Variants in NEB observed in about 807,000 individuals in gnomAD.
NEB encodes the protein nebulin, also known as nemaline myopathy type 2.
A neutral mutation model predicts 952.2 loss-of-function variants in NEB; 512 were observed. That is an observed-to-expected ratio of 0.54 (90% CI 0.50 to 0.58). The LOEUF is 0.58. Among genes scored for constraint, NEB ranks in the 20% least tolerant of loss-of-function variants. NEB has a pLI of 0.00. For synonymous variants in NEB, 2,900 were observed against 3,149.8 expected, an observed-to-expected ratio of 0.92 and a Z score of 2.66; for missense variants, 8,428 against 9,231.1, an observed-to-expected ratio of 0.91 and a Z score of 3.56.
chr2:151,548,282 C>G lies in NEB; in HGVS notation c.20157+26G>C, dbSNP rs540035985. 127 of 1,543,624 alleles carry G rather than the reference C, an allele frequency of 8.2e-5. 1 individual carries two copies. In the East Asian group the frequency reaches 2.7e-3, roughly 33 times the overall value. On this transcript the variant is annotated intron_variant, in intron 131 of 181. Transcript: ENST00000397345. Reference sequence around the variant, plus strand: ...CCATGGCTATTGAAACTCAATATGTCTCTTGGAGAATCAGCATTCAGGTAC... The same window carrying G: ...CCATGGCTATTGAAACTCAATATGTGTCTTGGAGAATCAGCATTCAGGTAC...
At position 151,490,082 on chromosome 2, in the gene NEB, AAAAAAGGGGGCAAATTCTTTATAAGAAG is replaced by A; in HGVS notation, c.25298-33_25298-6del. ...TGGTTTTTGCATGTTTGTAAGCTGA[AAAAAAGGGGGCAAATTCTTTATAAGAAG>A]AAAAATGGCTAGGTATCCTTTAATC... On this transcript the variant is annotated splice_polypyrimidine_tract_variant and splice_region_variant and intron_variant, in intron 180 of 181. Transcript: ENST00000397345. 1 of 1,596,052 alleles carries A rather than the reference AAAAAAGGGGGCAAATTCTTTATAAGAAG, an allele frequency of 6.3e-7. No individual in the cohort carries two copies. The highest frequency in any genetic ancestry group is 8.6e-7 in the Non-Finnish European group (1 of 1,169,046).
rs758427936 is a variant in NEB at position 151,616,058 on chromosome 2, G to C, written c.11233C>G (p.Arg3745Gly). 3 of 1,612,966 alleles carry C rather than the reference G, an allele frequency of 1.9e-6. No homozygotes were observed. The East Asian group carries it at 6.7e-5, about 36-fold the overall frequency. ...EESKKEGYDL[R>G]LDAIPIQAAK... The stretch of plus-strand genomic sequence containing the variant: ...GCTTGGATTGGAATGGCATCCAGAC[G>C]CAAGTCATAGCCTTCCTTCTTGGAC... Residue 3745 changes from arginine to glycine, a missense_variant, in exon 76 of 182, where the codon CGT becomes GGT. By Grantham distance (125) the Arg-to-Gly change is moderately radical. This residue lies in a region of NEB where 1,772 missense variants were observed against 1,960.3 expected (regional missense o/e 0.90). Transcript: ENST00000397345.
At chr2:151,641,480 G>A (rs886641140) in intron 60 of NEB, among the ~76,000 whole-genome samples, 2 of 152,082 alleles carry the variant, frequency 1.3e-5, no homozygotes, top group Admixed American at 6.6e-5. Flanking sequence ...ACAGGCATGC[G>A]CCATCACACC....
chr2:151,546,305 G>C, intron 134 of NEB, 40 bp downstream of exon 134: 3 of 1,505,664 alleles, frequency 2.0e-6, no homozygotes, highest in Non-Finnish European at 2.8e-6. Flanking sequence ...GCATCCAGCT[G>C]TGCGGGGGGT....
At position 151,655,320 on chromosome 2, in the gene NEB, C is replaced by T. The variant is rs1375359758; in HGVS notation, c.6757G>A (p.Asp2253Asn). Reference sequence around the variant, plus strand: ...TTGGCTTGTAAAATATCTGGTGTATCAGGCATCACATGAATCTTGGTCTTA... The same window carrying T: ...TTGGCTTGTAAAATATCTGGTGTATTAGGCATCACATGAATCTTGGTCTTA... ...KDKTKIHVMPDTPDILQAKQN... is the reference protein window; with the variant it reads ...KDKTKIHVMPNTPDILQAKQN... The change falls in exon 51 of 182, where the codon GAT becomes AAT. Residue 2253 changes from aspartate to asparagine, a missense_variant. Asp to Asn is a conservative substitution (Grantham distance 23, BLOSUM62 1). This residue lies in a region of NEB where 2,851 missense variants were observed against 2,791.5 expected (regional missense o/e 1.02). Coordinates refer to ENST00000397345, the MANE Select transcript of NEB (RefSeq NM_001164508.2). 1.2e-6 allele frequency: 2 copies of T among 1,602,082 alleles called. No homozygotes were observed. Among genetic ancestry groups the T allele is most frequent in the African/African-American group, 1.3e-5 (1 of 74,686 alleles).
chr2:151,728,073 G>C (rs183961132), intron 4 of NEB, among the ~76,000 whole-genome samples, 167 bp from the exon 5 acceptor site: 1 of 152,180 alleles, frequency 6.6e-6, no homozygotes, highest in Non-Finnish European at 1.5e-5. Context: ...CCGTATGAAG[G>C]CACATTATGT....
In NEB at chr2:151,551,835, T is replaced by C; in HGVS notation, c.19847A>G (p.His6616Arg). 6.2e-7 allele frequency: 1 copy of C among 1,611,284 alleles called. No individual in the cohort carries two copies. Among genetic ancestry groups the C allele is most frequent in the Non-Finnish European group, 8.5e-7 (1 of 1,178,248 alleles). ...SGKQLSDAVYHYDYVHSVRGK... is the reference protein window; with the variant it reads ...SGKQLSDAVYRYDYVHSVRGK... The stretch of plus-strand genomic sequence containing the variant: ...TCTGACACTGTGCACATAGTCATAG[T>C]GGTAGACAGCCTGGTGCAGAAAGAA... Residue 6616 changes from histidine (H) to arginine (R), a missense_variant, in exon 129 of 182, where the codon CAC becomes CGC. Transcript: ENST00000397345.
chr2:151,569,354 A>T lies in NEB; in HGVS notation c.17449T>A (p.Leu5817Met). Residue 5817 changes from leucine to methionine, a missense_variant, in exon 110 of 182, where the codon TTG (leucine) becomes ATG (methionine). By Grantham distance (15) the Leu-to-Met change is conservative (BLOSUM62 2). Transcript: ENST00000397345. The stretch of plus-strand genomic sequence containing the variant: ...CACCCAATTCCACGCAACCATTCCA[A>T]GTCAGCCTTGTAAACATTCTGTGAA... ...LQSDNVYKADLEWLRGIGWMP... is the reference protein window; with the variant it reads ...LQSDNVYKADMEWLRGIGWMP... 6.2e-7 allele frequency: 1 copy of T among 1,613,906 alleles called. No homozygotes were observed. The highest frequency in any genetic ancestry group is 8.5e-7 in the Non-Finnish European group (1 of 1,179,798).
chr2:151,663,887 T>C (rs745413093), intron 44 of NEB, 28 bp from the exon 45 acceptor site: 19 of 1,590,478 alleles, frequency 1.2e-5, no homozygotes, highest in East Asian at 9.0e-5. Context: ...ATTATGGTGA[T>C]GAAAATGGTA....
At chr2:151,493,934 G>C in intron 174 of NEB, 67 bp from the exon 175 acceptor site, 1 of 1,160,830 alleles carries the variant, frequency 8.6e-7, no homozygotes, top group Admixed American at 2.7e-5. Context: ...TATATTGCAA[G>C]TTGGGGGGAA....
intron 41 of NEB, 36 bp downstream of exon 41, chr2:151,666,054 T>C: frequency 6.4e-7 from 1 of 1,571,390 alleles, no homozygotes; most frequent in Middle Eastern, 2.0e-4. Flanking sequence ...CTCCCACCCA[T>C]TAGAAATGGA....
rs547020660 is a variant in NEB, at chr2:151,529,251, G to A, written c.21694C>T (p.His7232Tyr). ...SNCTIEPDAV[H>Y]IKAAKDAYKV... is the part of the protein sequence containing the mutation. ...TAGGCGTCCTTGGCTGCTTTGATAT[G>A]AACAGCATCTGGCTCAATGGTGCAG... The change falls in exon 146 of 182, where the codon CAT (histidine) becomes TAT (tyrosine). Residue 7232 changes from histidine to tyrosine, a missense_variant. Transcript: ENST00000397345. The A allele has an allele frequency of 6.8e-6, 11 of 1,613,582 alleles. No individual in the cohort carries two copies. In the South Asian group the frequency reaches 1.1e-4, roughly 16 times the overall value.
At chr2:151,550,281 A>C (rs1040941252) in intron 129 of NEB, among the ~76,000 whole-genome samples, 4 of 151,822 alleles carry the variant, frequency 2.6e-5, no homozygotes, top group Non-Finnish European at 5.9e-5. Context: ...AAAAAAAAAA[A>C]AAAAAAAAAC....
intron 161 of NEB, among the ~76,000 whole-genome samples, chr2:151,511,492 C>T: frequency 6.6e-6 from 1 of 152,092 alleles, no homozygotes; most frequent in East Asian, 1.9e-4. Context: ...AATAGATTTC[C>T]AGAGCCTACC....
At chr2:151,644,348 T>C in intron 56 of NEB, 120 bp downstream of exon 56, 1 of 1,101,714 alleles carries the variant, frequency 9.1e-7, no homozygotes, top group East Asian at 2.5e-5. Flanking sequence ...CTGCATGGGA[T>C]CATTTTATTC....
At chr2:151,519,535 G>A (rs2080499412) in intron 154 of NEB, 123 bp downstream of exon 154, 1 of 731,762 alleles carries the variant, frequency 1.4e-6, no homozygotes, top group Non-Finnish European at 2.2e-6. Flanking sequence ...AAAACATTTT[G>A]GAAATAGTGA....
At position 151,570,082 on chromosome 2, in the gene NEB, T is replaced by C; in HGVS notation, c.17429A>G (p.Asp5810Gly). Residue 5810 changes from aspartate to glycine, a missense_variant and splice_region_variant, in exon 109 of 182, where the codon GAT becomes GGT. Around this residue, in one of 11 missense-constraint regions of NEB, gnomAD observed 3,374 missense variants for 3,651.5 expected, o/e 0.92. Coordinates refer to ENST00000397345, the MANE Select transcript of NEB (RefSeq NM_001164508.2). ...QAKKAYELQS[D>G]NVYKADLEWL... Reference sequence around the variant, plus strand: ...CAACCCCAAATGCAGCCCACTCACATCGCTCTGCAGTTCGTAGGCCTTCTT... The same window carrying C: ...CAACCCCAAATGCAGCCCACTCACACCGCTCTGCAGTTCGTAGGCCTTCTT... 6.2e-7 allele frequency: 1 copy of C among 1,603,898 alleles called. No homozygotes were observed. Among genetic ancestry groups the C allele is most frequent in the Non-Finnish European group, 8.5e-7 (1 of 1,175,066 alleles).
intron 127 of NEB, 126 bp from the exon 128 acceptor site, chr2:151,552,902 C>T (rs2288203): frequency 0.6 from 385,435 of 640,430 alleles, 118,227 homozygotes; most frequent in Admixed American, 0.7. Context: ...CTCAACAGAC[C>T]GAGATGCATT....
At chr2:151,666,836 A>G (rs1268746728) in intron 40 of NEB, among the ~76,000 whole-genome samples, 2 of 152,194 alleles carry the variant, frequency 1.3e-5, no homozygotes, top group Middle Eastern at 3.4e-3. Flanking sequence ...TGCTAGGATT[A>G]GACGTGTGAG....
Sources: allele counts gnomAD v4.1 joint callset (sites outside exome capture counted in the v4.1 genomes callset), GRCh38; gene constraint gnomAD v4.1.1; regional missense constraint gnomAD v4.1.1; transcripts MANE v1.5; gene names NCBI Gene and HGNC (gene_info 2026-07-23, HGNC 2026-07-21).